WWOX: variants seen among roughly 807,000 people sequenced by gnomAD.
WWOX encodes the protein WW domain-containing oxidoreductase.
WWOX carries 69 observed loss-of-function variants against 46.2 expected under a neutral mutation model. The ratio of observed to expected loss-of-function variants is 1.49; its 90% confidence interval spans 1.23 to 1.82. WWOX has a LOEUF of 1.82. Ranked by LOEUF, WWOX falls within the 40% of genes most tolerant of loss-of-function variation. The probability of loss-of-function intolerance (pLI) is 0.00; values close to 1 mark genes in which losing one functional copy is unlikely to be tolerated. For missense variants in WWOX, 919 were observed against 542.6 expected, an observed-to-expected ratio of 1.69 and a Z score of -6.89; for synonymous variants, 359 against 202.6, an observed-to-expected ratio of 1.77 and a Z score of -6.56.
intron 8 of WWOX, among the ~76,000 whole-genome samples, chr16:78,824,104 T>A (rs1247690394): frequency 6.6e-6 from 1 of 152,228 alleles, no homozygotes; most frequent in African/African-American, 2.4e-5. Context: ...ATTTTACTTT[T>A]TATTGATTGA....
chr16:78,247,991 AT>A, intron 5 of WWOX, among the ~76,000 whole-genome samples: 1 of 152,232 alleles, frequency 6.6e-6, no homozygotes, highest in Non-Finnish European at 1.5e-5. Flanking sequence ...ATCATCAGCT[AT>A]GCAACATAAT....
At chr16:78,624,570 T>C (rs570810787) in intron 8 of WWOX, among the ~76,000 whole-genome samples, 20 of 152,146 alleles carry the variant, frequency 1.3e-4, no homozygotes, top group Non-Finnish European at 2.8e-4. Flanking sequence ...AACAGACTAA[T>C]CTAATAGCAT....
chr16:78,885,298 A>T (rs1000981896), intron 8 of WWOX, among the ~76,000 whole-genome samples: 3 of 151,030 alleles, frequency 2.0e-5, no homozygotes, highest in Non-Finnish European at 2.9e-5. Flanking sequence ...TTACTAAATT[A>T]TCCAGTCTTA....
chr16:78,996,312 T>C, intron 8 of WWOX: 1 of 984,916 alleles, frequency 1.0e-6, no homozygotes, highest in Non-Finnish European at 1.2e-6. Flanking sequence ...CTTGTGGATG[T>C]TTTTCTACCG....
chr16:78,970,531 C>T (rs894321954), intron 8 of WWOX, among the ~76,000 whole-genome samples: 3 of 152,206 alleles, frequency 2.0e-5, no homozygotes, highest in Admixed American at 2.0e-4. Flanking sequence ...TTGAGCTAGG[C>T]TTTGAACAAT....
chr16:78,804,153 A>G (rs917158119), intron 8 of WWOX, among the ~76,000 whole-genome samples: 4 of 152,104 alleles, frequency 2.6e-5, no homozygotes, highest in African/African-American at 9.7e-5. Flanking sequence ...CGCTGTCACA[A>G]CTTTTTAATA....
At chr16:78,164,069 C>A in intron 4 of WWOX, 114 bp from the exon 5 acceptor site, 1 of 968,664 alleles carries the variant, frequency 1.0e-6, no homozygotes, top group Non-Finnish European at 1.6e-6. Context: ...GGATCAAAAT[C>A]ACCCCTGGTT....
intron 8 of WWOX, among the ~76,000 whole-genome samples, chr16:78,815,367 C>G (rs181704728): frequency 9.9e-5 from 15 of 151,932 alleles, no homozygotes; most frequent in Non-Finnish European, 1.8e-4. Flanking sequence ...TTTTAGCTGA[C>G]AAGGGCAGGA....
intron 6 of WWOX, among the ~76,000 whole-genome samples, chr16:78,392,340 C>G (rs995395728): frequency 6.6e-6 from 1 of 152,132 alleles, no homozygotes; most frequent in African/African-American, 2.4e-5. Flanking sequence ...GATGATCTGT[C>G]ACTGCCTCCC....
At chr16:78,674,820 T>G (rs1232290030) in intron 8 of WWOX, among the ~76,000 whole-genome samples, 2 of 122,546 alleles carry the variant, frequency 1.6e-5, no homozygotes, top group Non-Finnish European at 1.7e-5. Context: ...ATCTGATTTT[T>G]CATTTTTCAT....
chr16:79,009,817 C>T (rs1048055911), intron 8 of WWOX, among the ~76,000 whole-genome samples: 2 of 152,106 alleles, frequency 1.3e-5, no homozygotes, highest in African/African-American at 4.8e-5. Flanking sequence ...AGGAGGGGGA[C>T]ACACAAGACT....
intron 8 of WWOX, among the ~76,000 whole-genome samples, chr16:78,827,167 A>G (rs529463912): frequency 7.2e-5 from 11 of 152,256 alleles, no homozygotes; most frequent in East Asian, 1.9e-4. Context: ...CCCAACTGCA[A>G]AGTACATAGG....
chr16:78,503,408 C>G (rs1163441059), intron 8 of WWOX, among the ~76,000 whole-genome samples: 1 of 151,992 alleles, frequency 6.6e-6, no homozygotes, highest in South Asian at 2.1e-4. Context: ...CCCCCATACT[C>G]CAGATCTTCA....
At chr16:78,499,078 A>T (rs2084989579) in intron 8 of WWOX, among the ~76,000 whole-genome samples, 1 of 152,346 alleles carries the variant, frequency 6.6e-6, no homozygotes, top group East Asian at 1.9e-4. Context: ...TTGTTGAGTC[A>T]ATAATTAACT....
chr16:78,986,718 T>G (rs1433905916), intron 8 of WWOX, among the ~76,000 whole-genome samples: 1 of 152,172 alleles, frequency 6.6e-6, no homozygotes, highest in Non-Finnish European at 1.5e-5. Flanking sequence ...TTGACCAGGG[T>G]TGATGCACAT....
chr16:78,295,251 G>A (rs2079925413), intron 5 of WWOX, among the ~76,000 whole-genome samples: 1 of 152,188 alleles, frequency 6.6e-6, no homozygotes, highest in African/African-American at 2.4e-5. Flanking sequence ...AATCTAGACT[G>A]AAATGTGCTA....
chr16:78,864,567 C>A (rs372389816), intron 8 of WWOX, among the ~76,000 whole-genome samples: 1 of 152,048 alleles, frequency 6.6e-6, no homozygotes, highest in Non-Finnish European at 1.5e-5. Context: ...CTGCACCCAG[C>A]CCTGGATTTG....
At chr16:79,080,973 G>C (rs1197845413) in intron 8 of WWOX, among the ~76,000 whole-genome samples, 2 of 152,132 alleles carry the variant, frequency 1.3e-5, no homozygotes, top group Admixed American at 6.6e-5. Context: ...GTGATGAAAA[G>C]ATTTTTATAC....
intron 8 of WWOX, among the ~76,000 whole-genome samples, chr16:78,986,809 G>C (rs1253600922): frequency 1.3e-5 from 2 of 152,202 alleles, no homozygotes; most frequent in Non-Finnish European, 2.9e-5. Context: ...AGCTTTCAAA[G>C]ATTAATTCCA....
Sources: allele counts gnomAD v4.1 joint callset (sites outside exome capture counted in the v4.1 genomes callset), GRCh38; gene constraint gnomAD v4.1.1; transcripts MANE v1.5; gene names NCBI Gene and HGNC (gene_info 2026-07-23, HGNC 2026-07-21).